Variants in NRG3 observed in about 807,000 individuals in gnomAD.
NRG3 encodes the protein pro-neuregulin-3, membrane-bound isoform.
In NRG3, 31 loss-of-function variants were observed where a neutral mutation model predicts 66.9. The ratio of observed to expected loss-of-function variants is 0.46; its 90% CI spans 0.35 to 0.63. NRG3 has a LOEUF of 0.63. NRG3 is among the 20% of genes least tolerant of loss of function. The probability of loss-of-function intolerance (pLI) is 0.00; values close to 1 mark genes in which losing one functional copy is unlikely to be tolerated. For synonymous variants in NRG3, 393 were observed against 359.4 expected, an observed-to-expected ratio of 1.09 and a Z score of -1.06; for missense variants, 910 against 878.9, an observed-to-expected ratio of 1.04 and a Z score of -0.45.
intron 4 of NRG3, among the ~76,000 whole-genome samples, chr10:82,906,697 G>A (rs933989972): frequency 6.6e-5 from 10 of 151,892 alleles, no homozygotes; most frequent in Admixed American, 2.6e-4. Flanking sequence ...ATGCTTTCTC[G>A]CATTTTTTTA....
chr10:82,037,744 A>G (rs991796902), intron 1 of NRG3, among the ~76,000 whole-genome samples: 3 of 152,038 alleles, frequency 2.0e-5, no homozygotes, highest in East Asian at 1.9e-4. Context: ...TCTTATTTTA[A>G]TTACAATATT....
At chr10:82,371,086 G>T (rs1241410864) in intron 2 of NRG3, among the ~76,000 whole-genome samples, 1 of 151,990 alleles carries the variant, frequency 6.6e-6, no homozygotes, top group African/African-American at 2.4e-5. Flanking sequence ...TCAATAACTT[G>T]CTATAAGAGC....
In NRG3 at chr10:82,102,293, T is replaced by C. The variant is rs562069387; in HGVS notation, c.823+226130T>C. On this transcript the variant is annotated intron_variant, in intron 1 of 8. Transcript: ENST00000372141. ...ATTGATATAGCCATCCCATCATTCTTTGGTGTTTATATAGTTTAACTTTCT... is the reference window on the plus strand; with the variant it reads ...ATTGATATAGCCATCCCATCATTCTCTGGTGTTTATATAGTTTAACTTTCT... 3.9e-4 allele frequency among the ~76,000 whole-genome samples: 59 copies of C among 150,310 alleles called. 1 individual carries two copies. In the South Asian group the frequency reaches 0.011, roughly 29 times the overall value.
At chr10:82,315,729 C>T (rs1037941124) in intron 1 of NRG3, among the ~76,000 whole-genome samples, 10 of 151,020 alleles carry the variant, frequency 6.6e-5, no homozygotes, top group African/African-American at 9.8e-5. Flanking sequence ...GCAGTGGCAC[C>T]GTGTCGGCTC....
chr10:82,701,980 G>C (rs2055917043), intron 2 of NRG3, among the ~76,000 whole-genome samples: 1 of 152,166 alleles, frequency 6.6e-6, no homozygotes, highest in Non-Finnish European at 1.5e-5. Context: ...ATTTGAACCT[G>C]AGTCTTCTGA....
chr10:82,354,718 A>G (rs1324955795), intron 1 of NRG3, among the ~76,000 whole-genome samples: 4 of 152,054 alleles, frequency 2.6e-5, no homozygotes, highest in Admixed American at 6.6e-5. Context: ...GTAAATTCCT[A>G]TTCCGTGCCT....
At chr10:82,234,825 A>C (rs780814898) in intron 1 of NRG3, among the ~76,000 whole-genome samples, 1 of 152,012 alleles carries the variant, frequency 6.6e-6, no homozygotes, top group Admixed American at 6.5e-5. Flanking sequence ...GGCTGTCTAC[A>C]CTCCACCTTA....
At chr10:82,102,645 C>T (rs776090611) in intron 1 of NRG3, among the ~76,000 whole-genome samples, 13 of 151,650 alleles carry the variant, frequency 8.6e-5, no homozygotes, top group East Asian at 1.9e-4. Context: ...AATAAATATA[C>T]ACACACAGTA....
chr10:82,897,788 G>A (rs992269094), intron 4 of NRG3, among the ~76,000 whole-genome samples: 16 of 152,114 alleles, frequency 1.1e-4, no homozygotes, highest in South Asian at 2.1e-4. Flanking sequence ...CCAAAGTGCC[G>A]GGATTACAGG....
At chr10:82,095,580 C>T (rs912073672) in intron 1 of NRG3, among the ~76,000 whole-genome samples, 2 of 152,112 alleles carry the variant, frequency 1.3e-5, no homozygotes, top group Non-Finnish European at 2.9e-5. Flanking sequence ...GAATTCTCAC[C>T]GATATTCCCA....
chr10:82,578,634 A>G (rs958307221), intron 2 of NRG3, among the ~76,000 whole-genome samples: 1 of 151,626 alleles, frequency 6.6e-6, no homozygotes, highest in Admixed American at 6.6e-5. Context: ...AACACAAACC[A>G]AGTCTATTGC....
intron 1 of NRG3, among the ~76,000 whole-genome samples, chr10:81,956,138 G>A (rs2133233180): frequency 6.6e-6 from 1 of 152,272 alleles, no homozygotes; most frequent in African/African-American, 2.4e-5. Flanking sequence ...ACTTTGTGGT[G>A]GCTTTTGACT....
chr10:82,409,975 C>G (rs1041680880), intron 2 of NRG3, among the ~76,000 whole-genome samples: 2 of 152,124 alleles, frequency 1.3e-5, no homozygotes, highest in Non-Finnish European at 1.5e-5. Context: ...CCTGAGCAAG[C>G]GCCCCAAGAG....
At chr10:82,431,657 T>C (rs544392076) in intron 2 of NRG3, among the ~76,000 whole-genome samples, 1 of 152,278 alleles carries the variant, frequency 6.6e-6, no homozygotes, top group South Asian at 2.1e-4. Flanking sequence ...GTTAGATTTA[T>C]AAAAGGGGTT....
chr10:82,882,919 A>G (rs545984505), intron 4 of NRG3, among the ~76,000 whole-genome samples: 21 of 152,342 alleles, frequency 1.4e-4, no homozygotes, highest in African/African-American at 5.0e-4. Flanking sequence ...ATTAGCTGCC[A>G]GTGGATACCT....
At chr10:82,121,862 C>T (rs572971923) in intron 1 of NRG3, among the ~76,000 whole-genome samples, 3 of 151,928 alleles carry the variant, frequency 2.0e-5, no homozygotes, top group Non-Finnish European at 4.4e-5. Flanking sequence ...AGTTTCAAAC[C>T]CCTGGGCTCC....
At chr10:82,070,702 G>A (rs1049345773) in intron 1 of NRG3, among the ~76,000 whole-genome samples, 2 of 151,996 alleles carry the variant, frequency 1.3e-5, no homozygotes, top group Non-Finnish European at 2.9e-5. Flanking sequence ...TGACTAGGCA[G>A]GTCACAAAAG....
At chr10:82,344,613 G>C (rs1350693751) in intron 1 of NRG3, among the ~76,000 whole-genome samples, 2 of 139,966 alleles carry the variant, frequency 1.4e-5, no homozygotes, top group Non-Finnish European at 3.0e-5. Flanking sequence ...GGTATTTCCA[G>C]TTCTAGATCC....
chr10:82,880,490 T>C (rs1224986918), intron 4 of NRG3, among the ~76,000 whole-genome samples: 5 of 152,186 alleles, frequency 3.3e-5, no homozygotes, highest in Non-Finnish European at 7.4e-5. Flanking sequence ...GCCCAACTGA[T>C]AAATAGTAAA....
Sources: allele counts gnomAD v4.1 joint callset (sites outside exome capture counted in the v4.1 genomes callset), GRCh38; gene constraint gnomAD v4.1.1; transcripts MANE v1.5; gene names NCBI Gene and HGNC (gene_info 2026-07-23, HGNC 2026-07-21).